BTN3A1: variants seen among roughly 807,000 people sequenced by gnomAD.
BTN3A1 encodes the protein butyrophilin subfamily 3 member A1, also known as dJ45P21.3 (butyrophilin, subfamily 3, member A1).
BTN3A1 carries 24 observed loss-of-function variants against 43.0 expected under a neutral mutation model. The ratio of observed to expected loss-of-function variants is 0.56; its 90% CI spans 0.40 to 0.78. BTN3A1 has a LOEUF of 0.78. BTN3A1 is among the 30% of genes least tolerant of loss of function. BTN3A1 has a pLI of 0.00. For synonymous variants in BTN3A1, 181 were observed against 234.7 expected (o/e 0.77, Z 2.09); for missense variants, 533 against 626.2 (o/e 0.85, Z 1.59).
In BTN3A1 at chr6:26,403,071, TTTTG is replaced by T. The variant is rs535495310; in HGVS notation, c.-193+667_-193+670del. ...ATTTCATTGTATGAATATACAATTT[TTTTG>T]TTTGTTTTGAGATGCAGTCTTGCTC... On this transcript the variant is annotated intron_variant, in intron 1 of 9. Coordinates refer to ENST00000289361, the MANE Select transcript of BTN3A1 (RefSeq NM_007048.6). Among the ~76,000 whole-genome samples, 91 of 152,288 alleles carry T rather than the reference TTTTG, an allele frequency of 6.0e-4. 5 individuals carry two copies. In the South Asian group the frequency reaches 0.018, roughly 30 times the overall value.
Position 26,413,866 on chromosome 6 carries a change from A to T in BTN3A1, c.*174A>T. ...CTCCCCCTCCACAGCAACCAATCAC[A>T]ACCATAAAGCTACAAGCACGCACTG... is the stretch of plus-strand genomic sequence containing the variant. On this transcript the variant is annotated 3_prime_UTR_variant, in exon 10 of 10. Transcript: ENST00000289361. 1 of 1,261,466 alleles carries T rather than the reference A, an allele frequency of 7.9e-7. No homozygotes were observed. Among genetic ancestry groups the T allele is most frequent in the Non-Finnish European group, 1.1e-6 (1 of 895,452 alleles). 78.1% of individuals were successfully genotyped at this position (1,261,466 alleles called of 1,614,324 possible). A position where few individuals can be genotyped will look rare whatever the true frequency, so the allele number is the denominator to read the frequency against.
Position 26,402,400 on chromosome 6 carries a change from G to A in BTN3A1, c.-205G>A, listed in dbSNP as rs1761882467. ...TTCTGTGGGCTGTGATTTTCAGAGG[G>A]GAATGCTAAGAGGTGAGTGGGGGAA... On this transcript the variant is annotated 5_prime_UTR_variant, in exon 1 of 10. Transcript: ENST00000289361. The A allele has an allele frequency of 1.3e-5, 2 of 152,236 alleles. No individual in the cohort carries two copies. The highest frequency in any genetic ancestry group is 2.9e-5 in the Non-Finnish European group (2 of 68,052). 9.4% of individuals were successfully genotyped at this position (152,236 alleles called of 1,614,324 possible).
Position 26,409,535 on chromosome 6 carries a change from C to T in BTN3A1, c.718C>T (p.Pro240Ser). ...ACCCACAGCCGTTGCCTTCACAGAC[C>T]CCTTCTTCAGGAGCGCCCAGAGGTG... ...EKTASISIAD[P>S]FFRSAQRWIA... Residue 240 changes from proline to serine, a missense_variant and splice_region_variant, in exon 5 of 10, where the codon CCC becomes TCC. Pro to Ser is a moderately conservative substitution (Grantham distance 74). Coordinates refer to ENST00000289361, the MANE Select transcript of BTN3A1 (RefSeq NM_007048.6). 6.2e-7 allele frequency: 1 copy of T among 1,613,462 alleles called. No individual in the cohort carries two copies. The highest frequency in any genetic ancestry group is 8.5e-7 in the Non-Finnish European group (1 of 1,179,976).
At chr6:26,402,534 T>C (rs4712989) in intron 1 of BTN3A1, 122 bp downstream of exon 1, 19,479 of 152,246 alleles carry the variant, frequency 0.13, 1,308 homozygotes, top group South Asian at 0.17. Context: ...GGTGTGTGCC[T>C]GAGGGGGTGC....
chr6:26,408,019 T>C, intron 4 of BTN3A1, 67 bp downstream of exon 4: 1 of 1,589,310 alleles, frequency 6.3e-7, no homozygotes. Context: ...GGGGAGGTGT[T>C]AGTGTCTGCA....
chr6:26,412,010 CT>C (rs1186789756), intron 9 of BTN3A1: 5 of 218,250 alleles, frequency 2.3e-5, no homozygotes, highest in Non-Finnish European at 4.5e-5. Context: ...GAGCTTTGGC[CT>C]CCACATATTT....
intron 9 of BTN3A1, 133 bp downstream of exon 9, chr6:26,411,714 AT>A (rs1762227103): frequency 8.6e-7 from 1 of 1,159,632 alleles, no homozygotes; most frequent in Admixed American, 2.5e-5. Flanking sequence ...GGTAGGCAAC[AT>A]TAAATTCCAA....
At chr6:26,403,765 C>A (rs910644777) in intron 1 of BTN3A1, among the ~76,000 whole-genome samples, 5 of 152,190 alleles carry the variant, frequency 3.3e-5, no homozygotes, top group Non-Finnish European at 5.9e-5. Context: ...CTCCAGGGAT[C>A]CTCCCATCTC....
chr6:26,412,313 C>T (rs1471663950), intron 9 of BTN3A1: 1 of 636,032 alleles, frequency 1.6e-6, no homozygotes, highest in African/African-American at 1.8e-5. Flanking sequence ...GAAGAGTCTT[C>T]AGGCCTTGTT....
intron 1 of BTN3A1, 90 bp downstream of exon 1, chr6:26,402,502 A>G (rs1761886850): frequency 6.6e-6 from 1 of 152,408 alleles, no homozygotes; most frequent in African/African-American, 2.4e-5. Flanking sequence ...GCATGCAGGG[A>G]GAGTACTCAC....
In BTN3A1 at chr6:26,413,547, A is replaced by G; in HGVS notation, c.1397A>G (p.Tyr466Cys). The G allele has an allele frequency of 1.2e-6, 2 of 1,614,190 alleles. No homozygotes were observed. The highest frequency in any genetic ancestry group is 1.7e-6 in the Non-Finnish European group (2 of 1,180,028). ...AAGAAAGTGGGGGTCTTCCTGGACT[A>G]TGAGACTGGAGATATCTCATTCTAC... ...PPKKVGVFLD[Y>C]ETGDISFYNA... Residue 466 changes from tyrosine (Y) to cysteine (C), a missense_variant, in exon 10 of 10, where the codon TAT becomes TGT. By Grantham distance (194) the Tyr-to-Cys change is radical. Coordinates refer to ENST00000289361, the MANE Select transcript of BTN3A1 (RefSeq NM_007048.6).
In BTN3A1 at chr6:26,414,375, G is replaced by T. The variant is rs1035186228; in HGVS notation, c.*683G>T. 7 of 154,726 alleles carry T rather than the reference G, an allele frequency of 4.5e-5. No individual in the cohort carries two copies. The highest frequency in any genetic ancestry group is 1.3e-4 in the Admixed American group (2 of 15,770). The allele number at this position is 154,726 out of a possible 1,614,324, so 9.6% of individuals were successfully genotyped here. ...AAGGATCACTGTAGGTGGTTGTGGAGTTGACACCCCTGTTGACTCCTTCCC... is the reference window on the plus strand; with the variant it reads ...AAGGATCACTGTAGGTGGTTGTGGATTTGACACCCCTGTTGACTCCTTCCC... On this transcript the variant is annotated 3_prime_UTR_variant, in exon 10 of 10. Transcript: ENST00000289361.
chr6:26,405,606 C>G lies in BTN3A1; in HGVS notation c.43C>G (p.Arg15Gly). The G allele has an allele frequency of 1.9e-6, 3 of 1,614,172 alleles. No individual in the cohort carries two copies. The highest frequency in any genetic ancestry group is 2.5e-6 in the Non-Finnish European group (3 of 1,180,034). ...CCTGGCCTTCCTTCTGCTCAACTTT[C>G]GTGTCTGCCTCCTTTTGCTTCAGCT... ...SFLAFLLLNF[R>G]VCLLLLQLLM... The change falls in exon 2 of 10, where the codon CGT becomes GGT. Residue 15 changes from arginine to glycine, a missense_variant. By Grantham distance (125) the Arg-to-Gly change is moderately radical. Transcript: ENST00000289361.
intron 6 of BTN3A1, 26 bp from the exon 7 acceptor site, chr6:26,409,980 A>T: frequency 1.9e-6 from 3 of 1,614,106 alleles, no homozygotes; most frequent in Non-Finnish European, 2.5e-6. Flanking sequence ...GCCTTGATGC[A>T]TCTTCCCCTG....
intron 8 of BTN3A1, 130 bp from the exon 9 acceptor site, chr6:26,411,425 A>G (rs1762213663): frequency 8.5e-7 from 1 of 1,183,132 alleles, no homozygotes; most frequent in Admixed American, 2.2e-5. Context: ...TCAGAGCTGT[A>G]GAAGAGGGAG....
At chr6:26,409,472 G>C in intron 4 of BTN3A1, 61 bp from the exon 5 acceptor site, 1 of 1,507,696 alleles carries the variant, frequency 6.6e-7, no homozygotes, top group Non-Finnish European at 9.2e-7. Context: ...CACTTGGGGC[G>C]CTGCAGTCTG....
chr6:26,410,767 GCA>G (rs1491252161), intron 7 of BTN3A1, among the ~76,000 whole-genome samples: 1 of 148,556 alleles, frequency 6.7e-6, no homozygotes, highest in African/African-American at 2.5e-5. Flanking sequence ...ATATATATGT[GCA>G]TATATATGTA....
intron 8 of BTN3A1, 55 bp from the exon 9 acceptor site, chr6:26,411,500 G>C (rs1762217104): frequency 6.3e-7 from 1 of 1,579,786 alleles, no homozygotes; most frequent in African/African-American, 1.4e-5. Flanking sequence ...AGAGTGCAGT[G>C]GGGAAAAGTA....
intron 2 of BTN3A1, 114 bp downstream of exon 2, chr6:26,405,762 G>A (rs17610161): frequency 0.12 from 181,764 of 1,575,510 alleles, 11,342 homozygotes; most frequent in Admixed American, 0.17. Context: ...AGGTTCACCC[G>A]TCACTAAGAG....
Sources: allele counts gnomAD v4.1 joint callset (sites outside exome capture counted in the v4.1 genomes callset), GRCh38; gene constraint gnomAD v4.1.1; transcripts MANE v1.5; gene names NCBI Gene and HGNC (gene_info 2026-07-23, HGNC 2026-07-21).